Variants in TMA16 observed in about 807,000 individuals in gnomAD.
TMA16 encodes translation machinery associated 16 homolog.
Under a neutral mutation model 27.1 loss-of-function variants are expected in TMA16, and 26 were observed. The ratio of observed to expected loss-of-function variants is 0.96; its 90% CI spans 0.70 to 1.33. The LOEUF (loss-of-function observed/expected upper bound fraction) is 1.33. TMA16 is among the 40% of genes most tolerant of loss of function. The pLI is 0.00. For synonymous variants in TMA16, 71 were observed against 81.9 expected (o/e 0.87, Z 0.72); for missense variants, 233 against 241.4 (o/e 0.97, Z 0.23).
chr4:163,508,836 G>A (rs574836335), intron 2 of TMA16, among the ~76,000 whole-genome samples: 2 of 152,302 alleles, frequency 1.3e-5, no homozygotes, highest in African/African-American at 4.8e-5. Flanking sequence ...AGCATGTTGT[G>A]TATTGATTTA....
chr4:163,500,856 A>G (rs1449358229), intron 1 of TMA16, among the ~76,000 whole-genome samples: 1 of 152,198 alleles, frequency 6.6e-6, no homozygotes, highest in Non-Finnish European at 1.5e-5. Flanking sequence ...GATAAACATG[A>G]ATTTGTGCTA....
At chr4:163,511,785 A>ACTGCAGTC (rs1737803876) in intron 2 of TMA16, among the ~76,000 whole-genome samples, 1 of 151,958 alleles carries the variant, frequency 6.6e-6, no homozygotes, top group South Asian at 2.1e-4. Flanking sequence ...TGACAGCACT[A>ACTGCAGTC]CTGCAGTCCT....
Position 163,520,099 on chromosome 4 carries a change from A to G in TMA16, c.*585A>G. 1.9e-6 allele frequency: 1 copy of G among 518,314 alleles called. No individual in the cohort carries two copies. Among genetic ancestry groups the G allele is most frequent in the Non-Finnish European group, 3.4e-6 (1 of 290,822 alleles). The allele number at this position is 518,314 out of a possible 1,614,324, so 32.1% of individuals were successfully genotyped here. ...AAAATCAGTGATGATTGTTATGTTG[A>G]TCTCCCACAATTAATTTATCTTTTG... On this transcript the variant is annotated 3_prime_UTR_variant, in exon 7 of 7. Transcript: ENST00000358572.
chr4:163,510,073 A>G lies in TMA16; in HGVS notation c.117-2749A>G, dbSNP rs528932226. ...TCTACTTTTCTTCATTCCAGCTGAT[A>G]CCACTGTAAGTTCAGGTTCCCACTG... is the stretch of plus-strand genomic sequence containing the variant. On this transcript the variant is annotated intron_variant, in intron 2 of 6. Coordinates refer to ENST00000358572, the MANE Select transcript of TMA16 (RefSeq NM_018352.3). Among the ~76,000 whole-genome samples the G allele has an allele frequency of 5.3e-5, 8 of 152,320 alleles. No individual in the cohort carries two copies. In the South Asian group the frequency reaches 1.5e-3, roughly 28 times the overall value.
At chr4:163,495,263 C>T (rs1737533204) in intron 1 of TMA16, among the ~76,000 whole-genome samples, 1 of 152,188 alleles carries the variant, frequency 6.6e-6, no homozygotes, top group African/African-American at 2.4e-5. Context: ...GCCGTTACGC[C>T]CCCATTCGCT....
intron 1 of TMA16, among the ~76,000 whole-genome samples, chr4:163,500,271 TGCTATCTCA>T: frequency 6.7e-6 from 1 of 149,526 alleles, no homozygotes; most frequent in Admixed American, 6.8e-5. Context: ...AGTATGGTGG[TGCTATCTCA>T]GCTCACTGCA....
chr4:163,514,208 A>T, intron 4 of TMA16, 50 bp downstream of exon 4: 1 of 1,442,394 alleles, frequency 6.9e-7, no homozygotes, highest in South Asian at 1.3e-5. Context: ...GGAATTGTCC[A>T]GCCTGGTTCT....
chr4:163,515,199 GAAAC>G, intron 4 of TMA16, 110 bp from the exon 5 acceptor site: 28 of 1,101,534 alleles, frequency 2.5e-5, no homozygotes, highest in Non-Finnish European at 3.5e-5. Context: ...GGAACTCAGA[GAAAC>G]ATAAACATTT....
In TMA16 at chr4:163,512,803, A is replaced by G; in HGVS notation, c.117-19A>G. 1 of 1,593,540 alleles carries G rather than the reference A, an allele frequency of 6.3e-7. No individual in the cohort carries two copies. Among genetic ancestry groups the G allele is most frequent in the Non-Finnish European group, 8.6e-7 (1 of 1,167,312 alleles). ...GCTTTGGAAATTTTCTAACACATATATTTACCTTTCCTTCAAAGATTGAAG... is the reference window on the plus strand; with the variant it reads ...GCTTTGGAAATTTTCTAACACATATGTTTACCTTTCCTTCAAAGATTGAAG... On this transcript the variant is annotated intron_variant, in intron 2 of 6. Coordinates refer to ENST00000358572, the MANE Select transcript of TMA16 (RefSeq NM_018352.3).
chr4:163,518,928 T>C (rs1400340085), intron 6 of TMA16, among the ~76,000 whole-genome samples: 1 of 152,150 alleles, frequency 6.6e-6, no homozygotes, highest in East Asian at 1.9e-4. Context: ...CAAAATAATA[T>C]TCACATTACG....
At chr4:163,513,951 G>A (rs1182822863) in intron 3 of TMA16, 123 bp from the exon 4 acceptor site, 14 of 614,354 alleles carry the variant, frequency 2.3e-5, no homozygotes, top group Non-Finnish European at 3.5e-5. Context: ...AAGGCTTTAT[G>A]TTTAACATTG....
At chr4:163,504,797 C>T (rs533626326) in intron 1 of TMA16, among the ~76,000 whole-genome samples, 49 of 152,322 alleles carry the variant, frequency 3.2e-4, no homozygotes, top group Non-Finnish European at 4.9e-4. Flanking sequence ...CCATGCTTGG[C>T]TGAGGATCTG....
At chr4:163,497,039 T>G (rs1272278054) in intron 1 of TMA16, among the ~76,000 whole-genome samples, 1 of 152,194 alleles carries the variant, frequency 6.6e-6, no homozygotes, top group Non-Finnish European at 1.5e-5. Flanking sequence ...GTCATAGAGC[T>G]TGTGTGTGCT....
Position 163,519,613 on chromosome 4 carries a change from C to A in TMA16, c.*99C>A. On this transcript the variant is annotated 3_prime_UTR_variant, in exon 7 of 7. Coordinates refer to ENST00000358572, the MANE Select transcript of TMA16 (RefSeq NM_018352.3). ...TCATGATACAAAAATTTGATACTGA[C>A]ATTCTCTTATATGATGAGAGTTTCA... 1 of 1,158,382 alleles carries A rather than the reference C, an allele frequency of 8.6e-7. No homozygotes were observed. The highest frequency in any genetic ancestry group is 1.2e-6 in the Non-Finnish European group (1 of 841,582). The allele number at this position is 1,158,382 out of a possible 1,614,324, so 71.8% of individuals were successfully genotyped here.
At chr4:163,511,942 A>G (rs1203913945) in intron 2 of TMA16, among the ~76,000 whole-genome samples, 1 of 151,536 alleles carries the variant, frequency 6.6e-6, no homozygotes, top group African/African-American at 2.4e-5. Flanking sequence ...AAAGCCATGT[A>G]TACTTCCTGC....
chr4:163,520,042 C>T lies in TMA16; in HGVS notation c.*528C>T. On this transcript the variant is annotated 3_prime_UTR_variant, in exon 7 of 7. Coordinates refer to ENST00000358572, the MANE Select transcript of TMA16 (RefSeq NM_018352.3). ...TTCTGGATTATAGATTATTATTTAT[C>T]TTTTGAACCAGAGCTAAATGGTAAA... 1.7e-6 allele frequency: 1 copy of T among 603,800 alleles called. No individual in the cohort carries two copies. Among genetic ancestry groups the T allele is most frequent in the Non-Finnish European group, 3.0e-6 (1 of 330,546 alleles). 37.4% of individuals were successfully genotyped at this position (603,800 alleles called of 1,614,324 possible).
chr4:163,516,638 A>G (rs1737881283), intron 5 of TMA16, among the ~76,000 whole-genome samples: 1 of 152,196 alleles, frequency 6.6e-6, no homozygotes, highest in Non-Finnish European at 1.5e-5. Context: ...TAAGTGTATC[A>G]TGCATATTGG....
chr4:163,500,958 TGTGTGACCTGGCAAAA>T (rs1737642254), intron 1 of TMA16, among the ~76,000 whole-genome samples: 1 of 152,258 alleles, frequency 6.6e-6, no homozygotes, highest in Non-Finnish European at 1.5e-5. Context: ...ATCTATTTTG[TGTGTGACCTGGCAAAA>T]GTTTTTCAAA....
chr4:163,494,693 C>A lies in TMA16; in HGVS notation c.-109C>A, dbSNP rs949359885. 2.0e-6 allele frequency: 3 copies of A among 1,492,144 alleles called. No homozygotes were observed. In the African/African-American group the frequency reaches 4.1e-5, roughly 21 times the overall value. The allele number at this position is 1,492,144 out of a possible 1,614,324, so 92.4% of individuals were successfully genotyped here. A position where few individuals can be genotyped will look rare whatever the true frequency, so the allele number is the denominator to read the frequency against. On this transcript the variant is annotated 5_prime_UTR_variant, in exon 1 of 7. Transcript: ENST00000358572. ...GTTGGGTCGGCGCGGGCTTCTCAGGCGCCACGTGGGATTCGGCCCGGGTGC... is the reference window on the plus strand; with the variant it reads ...GTTGGGTCGGCGCGGGCTTCTCAGGAGCCACGTGGGATTCGGCCCGGGTGC...
Sources: gnomAD v4.1 joint callset for allele counts (sites outside exome capture counted in the v4.1 genomes callset) on GRCh38, gnomAD v4.1.1 for gene constraint, MANE v1.5 for transcripts, NCBI Gene and HGNC (gene_info 2026-07-23, HGNC 2026-07-21) for gene names.